AGAP6: variants seen among roughly 807,000 people sequenced by gnomAD.
AGAP6 encodes the protein arf-GAP with GTPase, ANK repeat and PH domain-containing protein 6.
In AGAP6, 29 loss-of-function variants were observed where a neutral mutation model predicts 63.9. The ratio of observed to expected loss-of-function variants is 0.45; its 90% CI spans 0.34 to 0.62. The LOEUF is 0.62. AGAP6 is among the 20% of genes least tolerant of loss of function. AGAP6 has a pLI of 0.01. For synonymous variants in AGAP6, 199 were observed against 332.9 expected, an observed-to-expected ratio of 0.60 and a Z score of 4.38; for missense variants, 493 against 884.9, an observed-to-expected ratio of 0.56 and a Z score of 5.62.
In AGAP6 at chr10:49,988,411, T is replaced by C; in HGVS notation, c.-305T>C. 1 of 1,333,178 alleles carries C rather than the reference T, an allele frequency of 7.5e-7. No homozygotes were observed. Among genetic ancestry groups the C allele is most frequent in the Admixed American group, 3.1e-5 (1 of 31,962 alleles). 82.6% of individuals were successfully genotyped at this position (1,333,178 alleles called of 1,614,324 possible). A position where few individuals can be genotyped will look rare whatever the true frequency, so the allele number is the denominator to read the frequency against. On this transcript the variant is annotated 5_prime_UTR_variant, in exon 1 of 8. Transcript: ENST00000412531. ...GAAGGAGGAGGAACTCCGTCTGTTCTCTCTTCAGGCAGTTGTTGTGTCTCT... is the reference window on the plus strand; with the variant it reads ...GAAGGAGGAGGAACTCCGTCTGTTCCCTCTTCAGGCAGTTGTTGTGTCTCT...
intron 3 of AGAP6, among the ~76,000 whole-genome samples, chr10:49,992,621 C>T (rs1467754655): frequency 1.3e-5 from 2 of 152,136 alleles, no homozygotes; most frequent in African/African-American, 4.8e-5. Flanking sequence ...CAAAGATTTT[C>T]AGGCTGTACA....
chr10:49,990,508 G>C (rs1589081595), intron 2 of AGAP6, among the ~76,000 whole-genome samples: 1 of 152,218 alleles, frequency 6.6e-6, no homozygotes, highest in African/African-American at 2.4e-5. Flanking sequence ...AGAGGCAGGG[G>C]ATGGGAGCCG....
intron 4 of AGAP6, 118 bp downstream of exon 4, chr10:49,994,547 A>T: frequency 7.5e-7 from 1 of 1,339,726 alleles, no homozygotes; most frequent in Non-Finnish European, 1.0e-6. Context: ...CTTTTTGTGG[A>T]TTTTCTAAAT....
chr10:49,995,281 T>C (rs1554861728), intron 4 of AGAP6, among the ~76,000 whole-genome samples: 2 of 152,230 alleles, frequency 1.3e-5, no homozygotes, highest in African/African-American at 4.8e-5. Flanking sequence ...AGTTCTGAAA[T>C]CTGAGCACTT....
At chr10:49,992,886 C>T (rs1257670974) in intron 3 of AGAP6, among the ~76,000 whole-genome samples, 5 of 152,130 alleles carry the variant, frequency 3.3e-5, no homozygotes, top group East Asian at 3.9e-4. Context: ...CTCAGCCTCC[C>T]GAGTAGTTGG....
chr10:50,004,223 G>A lies in AGAP6; in HGVS notation c.498-462G>A, dbSNP rs1402922592. 2.1e-4 allele frequency among the ~76,000 whole-genome samples: 32 copies of A among 149,786 alleles called. 1 individual carries two copies. The highest frequency in any genetic ancestry group is 1.8e-3 in the Admixed American group (27 of 14,956). On this transcript the variant is annotated intron_variant, in intron 5 of 7. Coordinates refer to ENST00000412531, the MANE Select transcript of AGAP6 (RefSeq NM_001077665.3). ...AAAAAAAAATTATCTGAGCATAGTG[G>A]CGCAAACTTGTAGTCCCAGCTTCTT...
chr10:49,993,790 A>C (rs1387671097), intron 3 of AGAP6, among the ~76,000 whole-genome samples: 1 of 147,918 alleles, frequency 6.8e-6, no homozygotes, highest in Non-Finnish European at 1.5e-5. Context: ...ACTGCACTCG[A>C]GCCTAGGTGA....
intron 4 of AGAP6, among the ~76,000 whole-genome samples, chr10:49,995,881 C>T (rs1468972881): frequency 6.6e-6 from 1 of 152,172 alleles, no homozygotes; most frequent in Non-Finnish European, 1.5e-5. Context: ...AATCTATTGC[C>T]AGTGTGTGAT....
At chr10:49,990,512 G>A (rs1177762472) in intron 2 of AGAP6, among the ~76,000 whole-genome samples, 11 of 152,198 alleles carry the variant, frequency 7.2e-5, no homozygotes, top group Non-Finnish European at 1.3e-4. Context: ...GCAGGGGATG[G>A]GAGCCGGTAG....
chr10:49,997,649 A>G (rs2132135160), intron 4 of AGAP6, among the ~76,000 whole-genome samples: 1 of 152,270 alleles, frequency 6.6e-6, no homozygotes, highest in Non-Finnish European at 1.5e-5. Context: ...TATTATTTCC[A>G]TAGGTTTCTG....
In AGAP6 at chr10:50,009,105, A is replaced by C. The variant is rs1304547975; in HGVS notation, c.980A>C (p.His327Pro). 6.2e-7 allele frequency: 1 copy of C among 1,613,676 alleles called. No homozygotes were observed. Among genetic ancestry groups the C allele is most frequent in the African/African-American group, 1.3e-5 (1 of 74,936 alleles). Residue 327 changes from histidine (H) to proline (P), a missense_variant, in exon 8 of 8, where the codon CAT (histidine) becomes CCT (proline). By Grantham distance (77) the His-to-Pro change is moderately conservative. Around this residue, in one of 7 missense-constraint regions of AGAP6, gnomAD observed 342 missense variants for 533.4 expected, o/e 0.64. Transcript: ENST00000412531. ...TTAGGTGATTATATGAAGAATATTC[A>C]TAAAAAAGAGATTGACCTTCAGACA... ...SSLGDYMKNI[H>P]KKEIDLQTST...
chr10:49,991,789 C>T (rs1554861058), intron 3 of AGAP6, 45 bp downstream of exon 3: 1 of 1,597,118 alleles, frequency 6.3e-7, no homozygotes, highest in South Asian at 1.1e-5. Flanking sequence ...AATAAAAGCT[C>T]TTGTTTGATC....
At position 50,009,285 on chromosome 10, in the gene AGAP6, C is replaced by A; in HGVS notation, c.1160C>A (p.Pro387His). The A allele has an allele frequency of 1.2e-6, 2 of 1,614,182 alleles. No individual in the cohort carries two copies. The highest frequency in any genetic ancestry group is 1.7e-6 in the Non-Finnish European group (2 of 1,180,042). The change falls in exon 8 of 8, where the codon CCC becomes CAC. Residue 387 changes from proline to histidine, a missense_variant. Physicochemically the swap from Pro to His is moderately conservative, Grantham distance 77. This residue lies in a region of AGAP6 where 342 missense variants were observed against 533.4 expected (regional missense o/e 0.64). Transcript: ENST00000412531. Reference protein sequence around the residue: ...FSPSISSTTSPKLNPPPSPHA... With the variant: ...FSPSISSTTSHKLNPPPSPHA... ...CCCAGTATCTCCAGCACCACCAGCC[C>A]CAAGCTCAACCCGCCCCCCTCTCCT...
chr10:49,989,467 A>C, intron 2 of AGAP6, 91 bp downstream of exon 2: 1 of 1,575,100 alleles, frequency 6.3e-7, no homozygotes, highest in South Asian at 1.1e-5. Flanking sequence ...CTCAGTAAAA[A>C]CTCAAATATC....
intron 4 of AGAP6, among the ~76,000 whole-genome samples, 180 bp downstream of exon 4, chr10:49,994,609 C>T (rs1468970075): frequency 2.0e-5 from 3 of 152,084 alleles, no homozygotes; most frequent in African/African-American, 4.8e-5. Context: ...TTTAGTTTAG[C>T]GTGTCCACCT....
At chr10:49,998,957 T>C (rs1444043860) in intron 4 of AGAP6, among the ~76,000 whole-genome samples, 2 of 141,550 alleles carry the variant, frequency 1.4e-5, no homozygotes, top group East Asian at 2.3e-4. Flanking sequence ...CTCACACCTG[T>C]AATCCCAGCA....
rs1281663341 is a variant in AGAP6 at position 50,001,989 on chromosome 10, C to G, written c.397-7C>G. ...TAAGTTTGACTTACAGTTCCCTTCCCCTTCAGGTATCTGCTGTGCGTTTCA... is the reference window on the plus strand; with the variant it reads ...TAAGTTTGACTTACAGTTCCCTTCCGCTTCAGGTATCTGCTGTGCGTTTCA... On this transcript the variant is annotated splice_region_variant and splice_polypyrimidine_tract_variant and intron_variant, in intron 4 of 7. Coordinates refer to ENST00000412531, the MANE Select transcript of AGAP6 (RefSeq NM_001077665.3). 1 of 1,612,572 alleles carries G rather than the reference C, an allele frequency of 6.2e-7. No homozygotes were observed. Among genetic ancestry groups the G allele is most frequent in the East Asian group, 2.2e-5 (1 of 44,882 alleles).
intron 6 of AGAP6, among the ~76,000 whole-genome samples, chr10:50,005,916 T>C (rs1417140743): frequency 7.2e-6 from 1 of 139,476 alleles, no homozygotes; most frequent in South Asian, 2.2e-4. Context: ...AGAGACTCTG[T>C]CTCAAAAAAA....
chr10:49,991,163 C>T (rs1554860785), intron 2 of AGAP6, among the ~76,000 whole-genome samples: 3 of 151,964 alleles, frequency 2.0e-5, no homozygotes, highest in African/African-American at 7.3e-5. Context: ...TATCACATGA[C>T]TATGGAAGAC....
Sources: allele counts gnomAD v4.1 joint callset (sites outside exome capture counted in the v4.1 genomes callset), GRCh38; gene constraint gnomAD v4.1.1; regional missense constraint gnomAD v4.1.1; transcripts MANE v1.5; gene names NCBI Gene and HGNC (gene_info 2026-07-23, HGNC 2026-07-21).